The following TEX36 variants were observed in gnomAD, a reference collection of about 807,000 sequenced individuals.
TEX36 encodes testis expressed 36.
TEX36 carries 12 observed loss-of-function variants against 13.6 expected under a neutral mutation model. That is an observed-to-expected ratio of 0.88 (90% CI 0.56 to 1.43). The LOEUF (loss-of-function observed/expected upper bound fraction) is 1.43. TEX36 is among the 40% of genes most tolerant of loss of function. TEX36 has a pLI of 0.00. For missense variants in TEX36, 224 were observed against 228.3 expected, an observed-to-expected ratio of 0.98 and a Z score of 0.12; for synonymous variants, 93 against 83.0, an observed-to-expected ratio of 1.12 and a Z score of -0.65.
At chr10:125,619,904 T>C (rs1019400592), downstream of TEX36, among the ~76,000 whole-genome samples, 5 of 151,812 alleles carry the variant, frequency 3.3e-5, no homozygotes, top group Admixed American at 6.6e-5. Context: ...TGCATATATA[T>C]ATATACATCT....
intron 3 of TEX36, among the ~76,000 whole-genome samples, chr10:125,643,128 C>A (rs1001859755): frequency 1.3e-5 from 2 of 152,160 alleles, no homozygotes; most frequent in Admixed American, 6.5e-5. Flanking sequence ...TGAACTAGAT[C>A]CCTGTCAGTG....
At chr10:125,621,953 T>C (rs1215775102) in intron 3 of TEX36, among the ~76,000 whole-genome samples, 2 of 152,198 alleles carry the variant, frequency 1.3e-5, no homozygotes, top group Non-Finnish European at 2.9e-5. Context: ...GTCACCCACA[T>C]TGAGGGCGGG....
At chr10:125,603,120 C>G (rs556511294) in intron 3 of TEX36, among the ~76,000 whole-genome samples, 25 of 152,346 alleles carry the variant, frequency 1.6e-4, no homozygotes, top group Admixed American at 4.6e-4. Flanking sequence ...GAGCGATGAC[C>G]ATCTGCGGAC....
At chr10:125,588,871 C>T (rs549140515) in intron 3 of TEX36, among the ~76,000 whole-genome samples, 1 of 152,342 alleles carries the variant, frequency 6.6e-6, no homozygotes, top group South Asian at 2.1e-4. Context: ...ATGCCTTGGC[C>T]TCCCAAAGTG....
intron 1 of TEX36, among the ~76,000 whole-genome samples, chr10:125,671,635 G>T (rs542401276): frequency 1.3e-5 from 2 of 152,270 alleles, no homozygotes; most frequent in South Asian, 4.1e-4. Context: ...TCAGAATGAT[G>T]CTGGCCTCAT....
intron 3 of TEX36, among the ~76,000 whole-genome samples, chr10:125,623,018 A>G (rs542010505): frequency 6.6e-6 from 1 of 152,304 alleles, no homozygotes; most frequent in African/African-American, 2.4e-5. Context: ...ACTAGAGGTG[A>G]TGGTGAGTGG....
In TEX36 at chr10:125,655,765, A is replaced by C; in HGVS notation, c.*135T>G. ...ACAAATTCATTTCACAAGGATTTGA[A>C]TGTTTTTTGACCTTATAAAAATCAT... On this transcript the variant is annotated 3_prime_UTR_variant, in exon 4 of 4. Coordinates refer to ENST00000368821, the MANE Select transcript of TEX36 (RefSeq NM_001128202.3). The C allele has an allele frequency of 7.5e-7, 1 of 1,337,618 alleles. No homozygotes were observed. Among genetic ancestry groups the C allele is most frequent in the African/African-American group, 1.5e-5 (1 of 67,274 alleles). 82.9% of individuals were successfully genotyped at this position (1,337,618 alleles called of 1,614,324 possible).
chr10:125,679,839 C>G (rs1847368195), intron 1 of TEX36, among the ~76,000 whole-genome samples: 1 of 152,180 alleles, frequency 6.6e-6, no homozygotes, highest in Admixed American at 6.5e-5. Flanking sequence ...CTTGACGCCC[C>G]TCCTCTGCCT....
chr10:125,629,353 G>T (rs991225734), intron 3 of TEX36, among the ~76,000 whole-genome samples: 2 of 152,172 alleles, frequency 1.3e-5, no homozygotes, highest in African/African-American at 4.8e-5. Flanking sequence ...AAATTGAGGC[G>T]ACTTCAAATT....
At position 125,587,786 on chromosome 10, in the gene TEX36, TAA is replaced by T. The variant is rs56198506; in HGVS notation, c.265-10914_265-10913del. ...GGCGAGCGAAGCTCTGTCTCAAAATTAAAAAAAAAAAAAAAAAAAAAAGACAC... is the reference window on the plus strand; with the variant it reads ...GGCGAGCGAAGCTCTGTCTCAAAATTAAAAAAAAAAAAAAAAAAAAGACAC... On this transcript the variant is annotated intron_variant, in intron 3 of 3. Coordinates refer to the TEX36 transcript ENST00000532135. Among the ~76,000 whole-genome samples the T allele has an allele frequency of 3.5e-3, 354 of 101,866 alleles. 1 individual carries two copies. The highest frequency in any genetic ancestry group is 6.8e-3 in the African/African-American group (186 of 27,378). The allele number at this position is 101,866 out of a possible 152,430, so 66.8% of individuals were successfully genotyped here. A position where few individuals can be genotyped will look rare whatever the true frequency, so the allele number is the denominator to read the frequency against.
downstream of TEX36, among the ~76,000 whole-genome samples, chr10:125,620,262 A>G (rs1314976005): frequency 6.6e-6 from 1 of 152,228 alleles, no homozygotes; most frequent in Non-Finnish European, 1.5e-5. Context: ...TGCGAGCACT[A>G]GGTTTTAAAT....
chr10:125,602,458 C>T (rs927957), intron 3 of TEX36, among the ~76,000 whole-genome samples: 30,892 of 152,162 alleles, frequency 0.2, 8,585 homozygotes, highest in African/African-American at 0.63. Context: ...CCTTCCGCCC[C>T]GTCTCGTGCT....
chr10:125,655,133 A>G (rs767128807), downstream of TEX36, among the ~76,000 whole-genome samples: 11 of 152,210 alleles, frequency 7.2e-5, no homozygotes, highest in Non-Finnish European at 1.6e-4. Flanking sequence ...TCCAAGACAC[A>G]TTATTAAGTA....
At chr10:125,672,734 T>C (rs928423924) in intron 1 of TEX36, among the ~76,000 whole-genome samples, 3 of 152,212 alleles carry the variant, frequency 2.0e-5, no homozygotes, top group African/African-American at 7.2e-5. Flanking sequence ...GGTGTAAAAG[T>C]CTCCCACTAT....
intron 3 of TEX36, among the ~76,000 whole-genome samples, chr10:125,659,838 CCTT>C (rs1847005616): frequency 6.6e-6 from 1 of 152,136 alleles, no homozygotes; most frequent in African/African-American, 2.4e-5. Flanking sequence ...ATTAATAACA[CCTT>C]CATTATCATG....
intron 1 of TEX36, chr10:125,667,578 TG>T: frequency 1.4e-6 from 1 of 736,664 alleles, no homozygotes; most frequent in South Asian, 1.4e-5. Flanking sequence ...AACCCTTGGG[TG>T]GTGGTCTCGC....
At chr10:125,579,033 G>A (rs963721802) in intron 3 of TEX36, among the ~76,000 whole-genome samples, 4 of 152,044 alleles carry the variant, frequency 2.6e-5, no homozygotes, top group African/African-American at 7.2e-5. Context: ...TCCCCAACTC[G>A]TTACAGAAAG....
Position 125,624,890 on chromosome 10 carries a change from G to A in TEX36, c.265-3245C>T, listed in dbSNP as rs297250. Among the ~76,000 whole-genome samples, 1,170 of 152,208 alleles carry A rather than the reference G, an allele frequency of 7.7e-3. 17 individuals are homozygous for A. The highest frequency in any genetic ancestry group is 0.027 in the African/African-American group (1,119 of 41,532). On this transcript the variant is annotated intron_variant, in intron 3 of 3. Transcript: ENST00000526819. ...TTTTGCATAAAGAGATAAGGAAGGG[G>A]CACAAAGGCGGGCACAGATGTCCAA...
intron 3 of TEX36, among the ~76,000 whole-genome samples, chr10:125,633,468 A>G (rs1846585223): frequency 6.6e-6 from 1 of 152,240 alleles, no homozygotes; most frequent in African/African-American, 2.4e-5. Context: ...GATTTTTTAA[A>G]AACATTCCAT....
Sources: allele counts gnomAD v4.1 joint callset (sites outside exome capture counted in the v4.1 genomes callset), GRCh38; gene constraint gnomAD v4.1.1; transcripts MANE v1.5; gene names NCBI Gene and HGNC (gene_info 2026-07-23, HGNC 2026-07-21).